The following ANKRD29 variants were observed in gnomAD, a reference collection of about 807,000 sequenced individuals.
ANKRD29 encodes ankyrin repeat domain 29.
In ANKRD29, 32 loss-of-function variants were observed where a neutral mutation model predicts 38.0. The ratio of observed to expected loss-of-function variants is 0.84; its 90% confidence interval spans 0.64 to 1.13. The LOEUF is 1.13. Ranked by LOEUF, ANKRD29 falls within the 50% of genes most tolerant of loss-of-function variation. The pLI, the probability that ANKRD29 is intolerant of heterozygous loss-of-function variation, is 0.00. For synonymous variants in ANKRD29, 135 were observed against 152.4 expected (o/e 0.89, Z 0.84); for missense variants, 357 against 377.9 (o/e 0.94, Z 0.46).
chr18:23,642,686 G>A (rs2060093004), intron 3 of ANKRD29, among the ~76,000 whole-genome samples: 1 of 152,202 alleles, frequency 6.6e-6, no homozygotes, highest in Non-Finnish European at 1.5e-5. Context: ...GACACCCTAA[G>A]GATCCTGTGA....
rs138631746 is a variant in ANKRD29, at chr18:23,628,966, C to T, written c.528+887G>A. 2.0e-3 allele frequency among the ~76,000 whole-genome samples: 308 copies of T among 151,946 alleles called. 2 individuals are homozygous for T. Among genetic ancestry groups the T allele is most frequent in the African/African-American group, 6.5e-3 (270 of 41,450 alleles). ...GCCTGTATAATCTTGCATTTCTGTT[C>T]TTTTTTCTTCTTTTTAAAAATCATT... On this transcript the variant is annotated intron_variant, in intron 6 of 9. Transcript: ENST00000592179.
At chr18:23,656,134 T>C (rs1301216382) in intron 1 of ANKRD29, among the ~76,000 whole-genome samples, 2 of 150,772 alleles carry the variant, frequency 1.3e-5, no homozygotes, top group Non-Finnish European at 2.9e-5. Context: ...AACATGTGTC[T>C]GTGTTCTCAA....
intron 1 of ANKRD29, among the ~76,000 whole-genome samples, chr18:23,658,536 G>A (rs904549683): frequency 2.0e-4 from 31 of 152,214 alleles, no homozygotes; most frequent in Admixed American, 1.3e-4. Flanking sequence ...TGAGACTGTG[G>A]ATTTTAGAGT....
intron 5 of ANKRD29, among the ~76,000 whole-genome samples, chr18:23,632,548 TTACACACTCTC>T: frequency 6.7e-6 from 1 of 148,202 alleles, no homozygotes; most frequent in South Asian, 2.1e-4. Context: ...TATATATATA[TTACACACTCTC>T]AGATATACTC....
Position 23,619,604 on chromosome 18 carries a change from G to A in ANKRD29, c.554C>T (p.Ala185Val). The change falls in exon 7 of 10, where the codon GCG (alanine) becomes GTG (valine). Residue 185 changes from alanine to valine, a missense_variant. Coordinates refer to ENST00000592179, the MANE Select transcript of ANKRD29 (RefSeq NM_173505.4). ...RQDGTAPLWIASQMGHSEVVR... is the reference protein window; with the variant it reads ...RQDGTAPLWIVSQMGHSEVVR... ...CACCTCGCTGTGGCCCATCTGGGAC[G>A]CGATCCACAGGGGCGCTGTCCCGTC... is the stretch of plus-strand genomic sequence containing the variant. 2 of 1,595,506 alleles carry A rather than the reference G, an allele frequency of 1.3e-6. No homozygotes were observed. The highest frequency in any genetic ancestry group is 1.7e-6 in the Non-Finnish European group (2 of 1,178,400).
intron 1 of ANKRD29, 168 bp from the exon 2 acceptor site, chr18:23,649,361 T>C: frequency 1.4e-6 from 1 of 708,942 alleles, no homozygotes; most frequent in Non-Finnish European, 2.6e-6. Flanking sequence ...TGAACTCTGT[T>C]GGATTCCAGA....
intron 1 of ANKRD29, among the ~76,000 whole-genome samples, chr18:23,658,656 T>A (rs1458296515): frequency 1.3e-5 from 2 of 152,072 alleles, no homozygotes; most frequent in African/African-American, 2.4e-5. Flanking sequence ...AATGTTTGCA[T>A]CCCCCCAAAA....
Position 23,601,118 on chromosome 18 carries a change from T to C in ANKRD29, c.*108A>G. ...TCAGGGACCCACAGGATGGGCATTC[T>C]GGGCATCTTTTTTTTTCATAAAAGA... On this transcript the variant is annotated 3_prime_UTR_variant, in exon 10 of 10. Coordinates refer to ENST00000592179, the MANE Select transcript of ANKRD29 (RefSeq NM_173505.4). 9.9e-7 allele frequency: 1 copy of C among 1,006,126 alleles called. No individual in the cohort carries two copies. The highest frequency in any genetic ancestry group is 1.5e-6 in the Non-Finnish European group (1 of 679,538). The allele number at this position is 1,006,126 out of a possible 1,614,324, so 62.3% of individuals were successfully genotyped here. A position where few individuals can be genotyped will look rare whatever the true frequency, so the allele number is the denominator to read the frequency against.
At chr18:23,627,508 G>C (rs752037008) in intron 6 of ANKRD29, among the ~76,000 whole-genome samples, 11 of 152,192 alleles carry the variant, frequency 7.2e-5, no homozygotes, top group Non-Finnish European at 8.8e-5. Flanking sequence ...CTGCTGCAAT[G>C]TTGGTTTACT....
At chr18:23,611,431 C>A (rs1048755884) in intron 9 of ANKRD29, among the ~76,000 whole-genome samples, 7 of 152,122 alleles carry the variant, frequency 4.6e-5, no homozygotes, top group Non-Finnish European at 7.4e-5. Context: ...TGTGTGTAAT[C>A]CCAGCACTTT....
intron 6 of ANKRD29, among the ~76,000 whole-genome samples, chr18:23,625,316 G>T (rs2059849364): frequency 6.6e-6 from 1 of 152,120 alleles, no homozygotes; most frequent in Admixed American, 6.6e-5. Context: ...CCAGTCAAGG[G>T]TGATGGGACT....
chr18:23,639,056 C>T, intron 3 of ANKRD29, 109 bp from the exon 4 acceptor site: 2 of 792,288 alleles, frequency 2.5e-6, no homozygotes, highest in Non-Finnish European at 1.9e-6. Context: ...AACTTCTAGC[C>T]TAGGAAGGGG....
At chr18:23,628,672 A>G (rs2059891388) in intron 6 of ANKRD29, among the ~76,000 whole-genome samples, 1 of 151,972 alleles carries the variant, frequency 6.6e-6, no homozygotes, top group Non-Finnish European at 1.5e-5. Context: ...ACCAAAATGT[A>G]TCTCTACTAA....
intron 6 of ANKRD29, 118 bp downstream of exon 6, chr18:23,629,735 A>G (rs975964377): frequency 1.4e-6 from 1 of 731,546 alleles, no homozygotes. Context: ...CAGAAGCAGA[A>G]GGGTTTAAAG....
At chr18:23,630,315 T>C (rs938376156) in intron 5 of ANKRD29, among the ~76,000 whole-genome samples, 2 of 152,146 alleles carry the variant, frequency 1.3e-5, no homozygotes, top group African/African-American at 4.8e-5. Context: ...TAATCCCAGC[T>C]ACTCCGGAGG....
chr18:23,630,661 C>T (rs1328279371), intron 5 of ANKRD29, among the ~76,000 whole-genome samples: 1 of 151,840 alleles, frequency 6.6e-6, no homozygotes, highest in African/African-American at 2.4e-5. Context: ...AAAATATACA[C>T]ATTTAATATA....
At chr18:23,615,609 G>A (rs552446682) in intron 8 of ANKRD29, among the ~76,000 whole-genome samples, 2 of 151,376 alleles carry the variant, frequency 1.3e-5, no homozygotes, top group Non-Finnish European at 2.9e-5. Context: ...ATGGAGTCTA[G>A]CTATGTTGCC....
chr18:23,606,854 T>C (rs1455530086), intron 9 of ANKRD29, among the ~76,000 whole-genome samples: 1 of 152,148 alleles, frequency 6.6e-6, no homozygotes, highest in Non-Finnish European at 1.5e-5. Context: ...ACAGAGACTC[T>C]GTCTCTAAAA....
intron 1 of ANKRD29, 53 bp downstream of exon 1, chr18:23,662,656 GC>G: frequency 1.8e-6 from 1 of 565,994 alleles, no homozygotes; most frequent in Middle Eastern, 6.1e-4. Flanking sequence ...GACCCCGCGG[GC>G]CCGGCCGCCC....
Sources: gnomAD v4.1 joint callset for allele counts (sites outside exome capture counted in the v4.1 genomes callset) on GRCh38, gnomAD v4.1.1 for gene constraint, MANE v1.5 for transcripts, NCBI Gene and HGNC (gene_info 2026-07-23, HGNC 2026-07-21) for gene names.